PARP4: variants seen among roughly 807,000 people sequenced by gnomAD.
The protein encoded by PARP4 is protein mono-ADP-ribosyltransferase PARP4.
In PARP4, 120 loss-of-function variants were observed where a neutral mutation model predicts 187.7. The observed-to-expected ratio is 0.64, with a 90% CI of 0.55 to 0.74. PARP4 has a LOEUF of 0.74. Among genes scored for constraint, PARP4 ranks in the 30% least tolerant of loss-of-function variants. The pLI, the probability that PARP4 is intolerant of heterozygous loss-of-function variation, is 0.00. For synonymous variants in PARP4, 654 were observed against 740.9 expected (o/e 0.88, Z 1.90); for missense variants, 1,836 against 2,070.5 (o/e 0.89, Z 2.20).
intron 1 of PARP4, among the ~76,000 whole-genome samples, chr13:24,506,053 T>C (rs934020334): frequency 6.6e-6 from 1 of 152,214 alleles, no homozygotes; most frequent in Non-Finnish European, 1.5e-5. Context: ...GTCTGGAATT[T>C]GTGGGTTCTT....
chr13:24,476,294 G>C (rs1593630045), intron 14 of PARP4, among the ~76,000 whole-genome samples: 1 of 152,100 alleles, frequency 6.6e-6, no homozygotes, highest in East Asian at 1.9e-4. Context: ...AGAGACTGTG[G>C]GGTGTCCTCC....
At position 24,456,331 on chromosome 13, in the gene PARP4, A is replaced by AG; in HGVS notation, c.2562+9dup. The AG allele has an allele frequency of 6.3e-7, 1 of 1,591,770 alleles. No homozygotes were observed. Among genetic ancestry groups the AG allele is most frequent in the Non-Finnish European group, 8.6e-7 (1 of 1,163,584 alleles). On this transcript the variant is annotated intron_variant, in intron 21 of 33. Coordinates refer to ENST00000381989, the MANE Select transcript of PARP4 (RefSeq NM_006437.4). ...TAGTGTCTCCTATGTCTAAGTAAAA[A>AG]GGAGTATACCTCGCTTTCTTTTTCT...
intron 6 of PARP4, among the ~76,000 whole-genome samples, chr13:24,496,182 A>C (rs1213342758): frequency 6.6e-6 from 1 of 152,260 alleles, no homozygotes. Flanking sequence ...GAAGAAAACA[A>C]TAACACATTC....
chr13:24,441,570 CTT>C (rs977916947), intron 30 of PARP4, among the ~76,000 whole-genome samples: 11 of 152,250 alleles, frequency 7.2e-5, no homozygotes, highest in Non-Finnish European at 7.3e-5. Flanking sequence ...ACCTAAATGA[CTT>C]TAGCTTCCTG....
chr13:24,505,687 C>T (rs927397809), intron 1 of PARP4, among the ~76,000 whole-genome samples: 3 of 152,200 alleles, frequency 2.0e-5, no homozygotes, highest in African/African-American at 7.2e-5. Context: ...CGCCACCACG[C>T]CCGGCTAATA....
chr13:24,480,776 T>C (rs570085227), intron 12 of PARP4, among the ~76,000 whole-genome samples: 2 of 152,350 alleles, frequency 1.3e-5, no homozygotes, highest in Admixed American at 1.3e-4. Context: ...AGAGGTTGGC[T>C]GAGGTTTAAG....
rs1227673164 is a variant in PARP4 at position 24,493,657 on chromosome 13, T to G, written c.818A>C (p.Glu273Ala). The G allele has an allele frequency of 6.2e-7, 1 of 1,614,092 alleles. No individual in the cohort carries two copies. Among genetic ancestry groups the G allele is most frequent in the Non-Finnish European group, 8.5e-7 (1 of 1,179,970 alleles). Reference sequence around the variant, plus strand: ...CATGTGTTCCAGGTGGCCCAGGGCCTCTGCCCAAATCATCTCTACTAAATC... The same window carrying G: ...CATGTGTTCCAGGTGGCCCAGGGCCGCTGCCCAAATCATCTCTACTAAATC... Reference protein sequence around the residue: ...VSDLVEMIWAEALGHLEHMLL... With the variant: ...VSDLVEMIWAAALGHLEHMLL... The change falls in exon 8 of 34, where the codon GAG becomes GCG. Residue 273 changes from glutamate to alanine, a missense_variant. Physicochemically the swap from Glu to Ala is moderately radical, Grantham distance 107. Coordinates refer to ENST00000381989, the MANE Select transcript of PARP4 (RefSeq NM_006437.4).
At position 24,458,971 on chromosome 13, in the gene PARP4, G is replaced by A. The variant is rs9581059; in HGVS notation, c.2424+73C>T. 3,706 of 1,035,372 alleles carry A rather than the reference G, an allele frequency of 3.6e-3. 94 individuals are homozygous for A. The African/African-American group carries it at 0.051, about 14-fold the overall frequency. The allele number at this position is 1,035,372 out of a possible 1,614,324, so 64.1% of individuals were successfully genotyped here. A position where few individuals can be genotyped will look rare whatever the true frequency, so the allele number is the denominator to read the frequency against. On this transcript the variant is annotated intron_variant, in intron 20 of 33. Transcript: ENST00000381989. The stretch of plus-strand genomic sequence containing the variant: ...CAGCATTATTTCACTTTTCAACCAC[G>A]TGCATACATTGCTTTGATAAGATAA...
intron 9 of PARP4, among the ~76,000 whole-genome samples, chr13:24,491,605 C>T (rs1163890827): frequency 4.6e-5 from 7 of 152,306 alleles, no homozygotes; most frequent in African/African-American, 1.7e-4. Context: ...GTCTAGGACA[C>T]AAATCTCTGA....
intron 15 of PARP4, among the ~76,000 whole-genome samples, chr13:24,470,348 T>C (rs1872678356): frequency 1.3e-5 from 2 of 152,198 alleles, no homozygotes; most frequent in Non-Finnish European, 2.9e-5. Flanking sequence ...TTGTGGGCTT[T>C]GATGCCTCCT....
At chr13:24,480,759 A>G (rs59412125) in intron 12 of PARP4, among the ~76,000 whole-genome samples, 1,641 of 152,348 alleles carry the variant, frequency 0.011, 38 homozygotes, top group African/African-American at 0.036. Flanking sequence ...GAAGGCCTGA[A>G]GCTAGCAGAG....
At chr13:24,481,447 C>T (rs1357987481) in intron 12 of PARP4, among the ~76,000 whole-genome samples, 1 of 152,132 alleles carries the variant, frequency 6.6e-6, no homozygotes, top group East Asian at 1.9e-4. Context: ...AATCCCAGCA[C>T]TTTGGGAGGC....
chr13:24,475,154 A>G (rs996456051), intron 15 of PARP4, among the ~76,000 whole-genome samples: 1 of 152,048 alleles, frequency 6.6e-6, no homozygotes, highest in Non-Finnish European at 1.5e-5. Context: ...CTATCTGTGA[A>G]AGCAGCTCCT....
chr13:24,480,575 T>C (rs932356608), intron 12 of PARP4, among the ~76,000 whole-genome samples: 15 of 152,170 alleles, frequency 9.9e-5, no homozygotes, highest in Admixed American at 3.3e-4. Flanking sequence ...CCAGTGAACA[T>C]AGGAATGATA....
chr13:24,455,216 A>G lies in PARP4; in HGVS notation c.2563-4T>C. On this transcript the variant is annotated splice_polypyrimidine_tract_variant and splice_region_variant and intron_variant, in intron 21 of 33. Transcript: ENST00000381989. ...GTTGAAAGACAAGCATGCAAGCCTG[A>G]AAGGAGAAAGAAGGTGCTGGACTGG... The G allele has an allele frequency of 1.3e-6, 2 of 1,575,104 alleles. No individual in the cohort carries two copies. The highest frequency in any genetic ancestry group is 1.7e-6 in the Non-Finnish European group (2 of 1,150,660).
intron 30 of PARP4, among the ~76,000 whole-genome samples, chr13:24,436,472 T>C (rs1022936541): frequency 8.5e-5 from 13 of 152,086 alleles, no homozygotes; most frequent in African/African-American, 2.9e-4. Flanking sequence ...CCCAGCTAAT[T>C]TTTAAATTAT....
Position 24,484,659 on chromosome 13 carries a change from G to C in PARP4, c.1442C>G (p.Ser481Trp). 1.2e-6 allele frequency: 2 copies of C among 1,603,714 alleles called. No individual in the cohort carries two copies. The highest frequency in any genetic ancestry group is 1.7e-5 in the Admixed American group (1 of 60,006). Residue 481 changes from serine to tryptophan, a missense_variant, in exon 12 of 34, where the codon TCG (serine) becomes TGG (tryptophan). Transcript: ENST00000381989. ...NLGSGIYFSD[S>W]LSTSIKYSHP... Reference sequence around the variant, plus strand: ...GATTAAGGATCGAACATACCTGAGCGAATCACTGAAATAAATCCCACTTCC... The same window carrying C: ...GATTAAGGATCGAACATACCTGAGCCAATCACTGAAATAAATCCCACTTCC...
In PARP4 at chr13:24,424,464, T is replaced by G. The variant is rs372813027; in HGVS notation, c.4979+2002A>C. Among the ~76,000 whole-genome samples the G allele has an allele frequency of 2.6e-5, 4 of 152,304 alleles. No individual in the cohort carries two copies. In the East Asian group the frequency reaches 7.7e-4, roughly 29 times the overall value. The stretch of plus-strand genomic sequence containing the variant: ...TGTCAAGTAACATGTTCCTCTATTC[T>G]CTGATCTAATTCAAGTTTAGAAATC... On this transcript the variant is annotated intron_variant, in intron 33 of 33. Coordinates refer to ENST00000381989, the MANE Select transcript of PARP4 (RefSeq NM_006437.4).
Position 24,435,625 on chromosome 13 carries a change from A to G in PARP4, c.3667-151T>C, listed in dbSNP as rs186141242. On this transcript the variant is annotated intron_variant, in intron 30 of 33. Coordinates refer to ENST00000381989, the MANE Select transcript of PARP4 (RefSeq NM_006437.4). ...ATCAATGTGAGCTGGGATGTTGAAAATAACACCAGTGCTGCGTGCAGCAGC... is the reference window on the plus strand; with the variant it reads ...ATCAATGTGAGCTGGGATGTTGAAAGTAACACCAGTGCTGCGTGCAGCAGC... The G allele has an allele frequency of 7.0e-5, 58 of 832,630 alleles. No homozygotes were observed. The East Asian group carries it at 1.4e-3, about 20-fold the overall frequency. The allele number at this position is 832,630 out of a possible 1,614,324, so 51.6% of individuals were successfully genotyped here. A position where few individuals can be genotyped will look rare whatever the true frequency, so the allele number is the denominator to read the frequency against.
Sources: gnomAD v4.1 joint callset for allele counts (sites outside exome capture counted in the v4.1 genomes callset) on GRCh38, gnomAD v4.1.1 for gene constraint, MANE v1.5 for transcripts, NCBI Gene and HGNC (gene_info 2026-07-23, HGNC 2026-07-21) for gene names.